The following UVRAG variants were observed in gnomAD, a reference collection of about 807,000 sequenced individuals.
The protein encoded by UVRAG is UV radiation resistance-associated gene protein.
Under a neutral mutation model 78.0 loss-of-function variants are expected in UVRAG, and 19 were observed. The ratio of observed to expected loss-of-function variants is 0.24; its 90% CI spans 0.17 to 0.36. The LOEUF (loss-of-function observed/expected upper bound fraction) is 0.36, where lower values mean the gene tolerates loss of function less well. Ranked by LOEUF, UVRAG falls within the 10% of genes least tolerant of loss-of-function variation. The pLI is 1.00. For synonymous variants in UVRAG, 323 were observed against 324.6 expected (o/e 1.00, Z 0.05); for missense variants, 740 against 853.8 (o/e 0.87, Z 1.66).
At chr11:76,094,898 A>G (rs1951762671) in intron 13 of UVRAG, among the ~76,000 whole-genome samples, 2 of 152,220 alleles carry the variant, frequency 1.3e-5, no homozygotes, top group Admixed American at 6.5e-5. Flanking sequence ...ACCTGACATC[A>G]TTCTATTTAG....
At position 75,879,929 on chromosome 11, in the gene UVRAG, T is replaced by A; in HGVS notation, c.321T>A (p.Asp107Glu). 4 of 1,614,230 alleles carry A rather than the reference T, an allele frequency of 2.5e-6. No individual in the cohort carries two copies. The highest frequency in any genetic ancestry group is 3.4e-6 in the Non-Finnish European group (4 of 1,180,030). The change falls in exon 4 of 15, where the codon GAT becomes GAA. Residue 107 changes from aspartate (D) to glutamate (E), a missense_variant. Asp to Glu is a conservative substitution (Grantham distance 45). Transcript: ENST00000356136. Reference sequence around the variant, plus strand: ...TTGGAATTATGCCAGACCGTCTTGATACATCTGTGTCTTGTTTCGTGGTGA... The same window carrying A: ...TTGGAATTATGCCAGACCGTCTTGAAACATCTGTGTCTTGTTTCGTGGTGA... ...LDFGIMPDRL[D>E]TSVSCFVVKI... is the part of the protein sequence containing the mutation.
At chr11:75,941,855 T>C (rs940129735) in intron 6 of UVRAG, among the ~76,000 whole-genome samples, 4 of 152,110 alleles carry the variant, frequency 2.6e-5, no homozygotes, top group African/African-American at 9.7e-5. Flanking sequence ...ATTGGCTCTC[T>C]TATGATCATA....
At chr11:76,089,542 G>T (rs1055160270) in intron 13 of UVRAG, among the ~76,000 whole-genome samples, 1 of 152,150 alleles carries the variant, frequency 6.6e-6, no homozygotes, top group Admixed American at 6.5e-5. Context: ...TGGAAGGAAG[G>T]GGGTATGTGA....
intron 4 of UVRAG, among the ~76,000 whole-genome samples, chr11:75,885,084 T>A (rs1424582860): frequency 6.6e-6 from 1 of 152,090 alleles, no homozygotes; most frequent in Non-Finnish European, 1.5e-5. Context: ...GATTTATACC[T>A]ATAGATTTTT....
At chr11:75,826,075 G>C (rs928575720) in intron 1 of UVRAG, among the ~76,000 whole-genome samples, 1 of 151,284 alleles carries the variant, frequency 6.6e-6, no homozygotes, top group Admixed American at 6.6e-5. Context: ...GACCTTAGGT[G>C]ATCCACCCAC....
intron 14 of UVRAG, among the ~76,000 whole-genome samples, chr11:76,127,272 C>CTTA (rs1554995424): frequency 2.0e-5 from 3 of 152,092 alleles, no homozygotes; most frequent in Non-Finnish European, 4.4e-5. Context: ...TGGATGGTAA[C>CTTA]ATAAGTACTA....
chr11:76,098,267 A>T (rs1188976912), intron 13 of UVRAG, among the ~76,000 whole-genome samples: 1 of 152,172 alleles, frequency 6.6e-6, no homozygotes, highest in Non-Finnish European at 1.5e-5. Flanking sequence ...GAAGATAACT[A>T]ACATTTGTAA....
intron 9 of UVRAG, 58 bp from the exon 10 acceptor site, chr11:76,007,476 G>A: frequency 7.5e-7 from 1 of 1,338,536 alleles, no homozygotes; most frequent in South Asian, 1.2e-5. Context: ...GGAAATAAAT[G>A]TTACAAAGCA....
chr11:75,903,451 A>G (rs2134996006), intron 5 of UVRAG, among the ~76,000 whole-genome samples: 1 of 152,190 alleles, frequency 6.6e-6, no homozygotes, highest in African/African-American at 2.4e-5. Context: ...AATAATTTCC[A>G]CGTCACTGAA....
intron 8 of UVRAG, among the ~76,000 whole-genome samples, chr11:75,994,601 T>G (rs1421533347): frequency 2.6e-5 from 4 of 152,234 alleles, no homozygotes; most frequent in Admixed American, 2.6e-4. Context: ...TATTATTAAT[T>G]CTTAAAATAG....
intron 13 of UVRAG, among the ~76,000 whole-genome samples, chr11:76,076,802 GTATT>G (rs140240744): frequency 5.9e-4 from 87 of 147,616 alleles, no homozygotes; most frequent in African/African-American, 6.2e-4. Flanking sequence ...AAATTAGGTT[GTATT>G]TATTTATTTA....
chr11:75,856,667 A>G (rs917303335), intron 2 of UVRAG, among the ~76,000 whole-genome samples: 1 of 152,066 alleles, frequency 6.6e-6, no homozygotes, highest in African/African-American at 2.4e-5. Flanking sequence ...GCTGGTCCCA[A>G]ACTTCTGGGT....
At chr11:76,093,809 G>C (rs1951744414) in intron 13 of UVRAG, among the ~76,000 whole-genome samples, 1 of 152,166 alleles carries the variant, frequency 6.6e-6, no homozygotes, top group Non-Finnish European at 1.5e-5. Flanking sequence ...TGCAAACAGG[G>C]ACAATTTGAC....
chr11:75,990,435 G>C (rs968121273), intron 8 of UVRAG, among the ~76,000 whole-genome samples: 2 of 152,178 alleles, frequency 1.3e-5, no homozygotes, highest in Non-Finnish European at 2.9e-5. Flanking sequence ...GATCAGATGA[G>C]TTATGAAGAT....
At chr11:75,893,520 GACA>G (rs1947267956) in intron 5 of UVRAG, among the ~76,000 whole-genome samples, 1 of 151,956 alleles carries the variant, frequency 6.6e-6, no homozygotes, top group Non-Finnish European at 1.5e-5. Flanking sequence ...AAATTAGGCT[GACA>G]GCAGACTTCT....
intron 12 of UVRAG, among the ~76,000 whole-genome samples, chr11:76,025,966 T>C (rs1950319009): frequency 6.6e-6 from 1 of 152,138 alleles, no homozygotes; most frequent in African/African-American, 2.4e-5. Context: ...CCGTTCTGCA[T>C]AGCTAGTTTG....
chr11:76,044,296 GTC>G (rs1406123821), intron 12 of UVRAG, among the ~76,000 whole-genome samples: 1 of 152,214 alleles, frequency 6.6e-6, no homozygotes, highest in Admixed American at 6.5e-5. Context: ...ACAATCAGCA[GTC>G]TCTGTCACAG....
chr11:76,007,803 T>G (rs1164410135), intron 10 of UVRAG, among the ~76,000 whole-genome samples, 182 bp downstream of exon 10: 1 of 152,210 alleles, frequency 6.6e-6, no homozygotes, highest in East Asian at 1.9e-4. Context: ...GTCCTACTAT[T>G]TCATTTATAT....
At chr11:76,051,738 T>G (rs1591178894) in intron 12 of UVRAG, among the ~76,000 whole-genome samples, 1 of 152,200 alleles carries the variant, frequency 6.6e-6, no homozygotes, top group Admixed American at 6.5e-5. Context: ...TTAAAAACTT[T>G]GGGGTGATAT....
Sources: gnomAD v4.1 joint callset for allele counts (sites outside exome capture counted in the v4.1 genomes callset) on GRCh38, gnomAD v4.1.1 for gene constraint, MANE v1.5 for transcripts, NCBI Gene and HGNC (gene_info 2026-07-23, HGNC 2026-07-21) for gene names.